Variants in SHISA6 observed in about 807,000 individuals in gnomAD.
The protein encoded by SHISA6 is shisa family member 6.
A neutral mutation model predicts 47.9 loss-of-function variants in SHISA6; 22 were observed. The observed-to-expected ratio is 0.46, with a 90% CI of 0.33 to 0.66. The LOEUF is 0.66. Among genes scored for constraint, SHISA6 ranks in the 30% least tolerant of loss-of-function variants. The pLI, the probability that SHISA6 is intolerant of heterozygous loss-of-function variation, is 0.02. For synonymous variants in SHISA6, 388 were observed against 337.8 expected, an observed-to-expected ratio of 1.15 and a Z score of -1.63; for missense variants, 680 against 764.6, an observed-to-expected ratio of 0.89 and a Z score of 1.30.
At chr17:11,248,128 G>A (rs576984216) in intron 1 of SHISA6, among the ~76,000 whole-genome samples, 26 of 152,180 alleles carry the variant, frequency 1.7e-4, no homozygotes, top group African/African-American at 6.0e-4. Flanking sequence ...GGGTACAAGG[G>A]TTACCAGTGA....
intron 3 of SHISA6, 144 bp downstream of exon 3, chr17:11,379,653 C>T (rs1043264899): frequency 1.3e-5 from 7 of 555,582 alleles, no homozygotes; most frequent in South Asian, 8.3e-5. Context: ...TGGTGACATG[C>T]GTGGCTTCTG....
chr17:11,507,192 A>G (rs1370699295), intron 3 of SHISA6, among the ~76,000 whole-genome samples: 1 of 152,250 alleles, frequency 6.6e-6, no homozygotes, highest in African/African-American at 2.4e-5. Flanking sequence ...CTTGTAGTAT[A>G]AATTGCTCAA....
At chr17:11,341,121 C>G (rs1911511942) in intron 2 of SHISA6, among the ~76,000 whole-genome samples, 2 of 152,282 alleles carry the variant, frequency 1.3e-5, no homozygotes, top group Middle Eastern at 3.4e-3. Context: ...TGCACCCACT[C>G]TCATATTGGT....
rs2071607924 is a variant in SHISA6, at chr17:11,519,060, G to A, written c.896-32836G>A. Among the ~76,000 whole-genome samples the A allele has an allele frequency of 2.0e-5, 3 of 152,138 alleles. No individual in the cohort carries two copies. The South Asian group carries it at 6.2e-4, about 32-fold the overall frequency. On this transcript the variant is annotated intron_variant, in intron 3 of 5. Coordinates refer to ENST00000441885, the MANE Select transcript of SHISA6 (RefSeq NM_207386.4). ...CCACTTCCTCACGTGTTATTGGAAA[G>A]CTTGTCCTCTTCCCCTCTCCCTCCT...
intron 2 of SHISA6, among the ~76,000 whole-genome samples, chr17:11,277,938 G>T (rs1054716): frequency 0.23 from 35,103 of 149,546 alleles, 4,443 homozygotes; most frequent in East Asian, 0.35. Context: ...AACTAATGTG[G>T]TTTTTCTTTT....
At chr17:11,260,589 A>C (rs1908196855) in intron 1 of SHISA6, among the ~76,000 whole-genome samples, 2 of 145,490 alleles carry the variant, frequency 1.4e-5, no homozygotes, top group African/African-American at 2.5e-5. Context: ...TCTGTGGCTT[A>C]CTCTCCCTCT....
intron 2 of SHISA6, among the ~76,000 whole-genome samples, chr17:11,270,080 A>T (rs1908581115): frequency 6.6e-6 from 1 of 151,972 alleles, no homozygotes; most frequent in African/African-American, 2.4e-5. Flanking sequence ...GGTTCAAGAG[A>T]TTCTCCTGCC....
chr17:11,356,583 T>A (rs1197009932), intron 2 of SHISA6, among the ~76,000 whole-genome samples: 1 of 151,780 alleles, frequency 6.6e-6, no homozygotes, highest in Non-Finnish European at 1.5e-5. Context: ...TGTGGAGGAG[T>A]CACACTCCAT....
At chr17:11,243,894 A>G (rs1907475736) in intron 1 of SHISA6, among the ~76,000 whole-genome samples, 1 of 152,216 alleles carries the variant, frequency 6.6e-6, no homozygotes, top group African/African-American at 2.4e-5. Flanking sequence ...ACTCAGGGAA[A>G]ACTGCCTGCT....
At chr17:11,289,392 A>C (rs1909438415) in intron 2 of SHISA6, 2 of 151,958 alleles carry the variant, frequency 1.3e-5, no homozygotes, top group African/African-American at 4.8e-5. Flanking sequence ...TTTCAGAGAT[A>C]GCTTTGTTAA....
chr17:11,241,682 CG>C lies in SHISA6; in HGVS notation c.262del (p.Ala88ProfsTer13). 1 of 1,491,546 alleles carries C rather than the reference CG, an allele frequency of 6.7e-7. No homozygotes were observed. The highest frequency in any genetic ancestry group is 8.9e-7 in the Non-Finnish European group (1 of 1,126,128). The allele number at this position is 1,491,546 out of a possible 1,614,324, so 92.4% of individuals were successfully genotyped here. On this transcript the variant is annotated frameshift_variant, in exon 1 of 6. Coordinates refer to ENST00000441885, the MANE Select transcript of SHISA6 (RefSeq NM_207386.4). LOFTEE classifies it high-confidence loss of function. The surrounding 1 kb of genome is among the most constrained non-coding windows in gnomAD (Gnocchi z 5.5). ...PAAAVAAAAS[A>X]AVTYETCWGY... ...GCGGCTGTGGCGGCGGCGGCCAGCGCGGCCGTCACCTACGAGACGTGCTGGG... is the reference window on the plus strand; with the variant it reads ...GCGGCTGTGGCGGCGGCGGCCAGCGCGCCGTCACCTACGAGACGTGCTGGG...
intron 3 of SHISA6, among the ~76,000 whole-genome samples, chr17:11,411,193 C>T (rs1256323254): frequency 6.6e-6 from 1 of 152,088 alleles, no homozygotes; most frequent in Non-Finnish European, 1.5e-5. Flanking sequence ...TGGTCTCGAT[C>T]TCGTGACCTC....
At chr17:11,450,886 G>A (rs1201017323) in intron 3 of SHISA6, among the ~76,000 whole-genome samples, 2 of 151,808 alleles carry the variant, frequency 1.3e-5, no homozygotes, top group East Asian at 1.9e-4. Context: ...CCCCTCAAGC[G>A]CTGGGTCCAG....
intron 1 of SHISA6, among the ~76,000 whole-genome samples, chr17:11,242,793 CA>C (rs763168559): frequency 1.3e-5 from 2 of 152,258 alleles, no homozygotes; most frequent in Non-Finnish European, 2.9e-5. Context: ...TGCCTCCTAC[CA>C]AAACTTACGC....
intron 2 of SHISA6, among the ~76,000 whole-genome samples, chr17:11,324,429 C>G (rs1307309816): frequency 1.3e-5 from 2 of 152,158 alleles, no homozygotes; most frequent in Non-Finnish European, 2.9e-5. Context: ...GTGCTGGGCA[C>G]AGGGGTTACT....
intron 3 of SHISA6, among the ~76,000 whole-genome samples, chr17:11,504,634 G>C (rs960396197): frequency 1.3e-5 from 2 of 152,176 alleles, no homozygotes; most frequent in African/African-American, 4.8e-5. Flanking sequence ...GGAATGGAAA[G>C]TTTATTTACA....
At chr17:11,264,675 A>T (rs982793761) in intron 2 of SHISA6, among the ~76,000 whole-genome samples, 2 of 152,234 alleles carry the variant, frequency 1.3e-5, no homozygotes, top group African/African-American at 4.8e-5. Context: ...TAAACCTGCA[A>T]TAAGGATATA....
chr17:11,345,028 C>G (rs916070921), intron 2 of SHISA6, among the ~76,000 whole-genome samples: 2 of 152,126 alleles, frequency 1.3e-5, no homozygotes, highest in African/African-American at 4.8e-5. Context: ...TGAGAATATG[C>G]AGTATTTAGT....
chr17:11,291,826 ACCT>A (rs1309930252), intron 2 of SHISA6, among the ~76,000 whole-genome samples: 1 of 151,872 alleles, frequency 6.6e-6, no homozygotes. Context: ...CTGTATCCTA[ACCT>A]CCTCTTTTAG....
Sources: allele counts gnomAD v4.1 joint callset (sites outside exome capture counted in the v4.1 genomes callset), GRCh38; gene constraint gnomAD v4.1.1; non-coding constraint Gnocchi (gnomAD v3.1); transcripts MANE v1.5; gene names NCBI Gene and HGNC (gene_info 2026-07-23, HGNC 2026-07-21).